The following ARL8B variants were observed in gnomAD, a reference collection of about 807,000 sequenced individuals.
ARL8B encodes ARF like GTPase 8B, also known as ADP-ribosylation factor-like protein 8B.
In ARL8B, 9 loss-of-function variants were observed where a neutral mutation model predicts 30.6. The observed-to-expected ratio is 0.29, with a 90% CI of 0.18 to 0.51. ARL8B has a LOEUF of 0.51. ARL8B is among the 20% of genes least tolerant of loss of function. ARL8B has a pLI of 0.97. For missense variants in ARL8B, 130 were observed against 227.2 expected (o/e 0.57, Z 2.75); for synonymous variants, 74 against 76.0 (o/e 0.97, Z 0.14).
chr3:5,165,886 C>T (rs1248643228), intron 1 of ARL8B, among the ~76,000 whole-genome samples: 1 of 152,144 alleles, frequency 6.6e-6, no homozygotes, highest in Non-Finnish European at 1.5e-5. Context: ...ACTTTGAAAG[C>T]ACTAGAACAT....
At chr3:5,161,767 ATTG>A (rs1200540492) in intron 1 of ARL8B, among the ~76,000 whole-genome samples, 1 of 152,148 alleles carries the variant, frequency 6.6e-6, no homozygotes, top group Non-Finnish European at 1.5e-5. Context: ...AAACATTCCT[ATTG>A]TTATGTGTTG....
chr3:5,144,945 T>C (rs966025971), intron 1 of ARL8B, among the ~76,000 whole-genome samples: 2 of 152,228 alleles, frequency 1.3e-5, no homozygotes, highest in Non-Finnish European at 2.9e-5. Context: ...GTGAATATAG[T>C]GCCTTCTTGG....
At chr3:5,149,141 T>G (rs946065196) in intron 1 of ARL8B, among the ~76,000 whole-genome samples, 2 of 152,218 alleles carry the variant, frequency 1.3e-5, no homozygotes, top group Non-Finnish European at 2.9e-5. Flanking sequence ...CCTCTGAAAA[T>G]GCCCAACCAC....
rs760445533 is a variant in ARL8B, at chr3:5,166,042, C to CT, written c.124-4445dup. The stretch of plus-strand genomic sequence containing the variant: ...ACCCGTTTCTATTGTCTTAAGATAT[C>CT]TTTTTTTTTTTTTTTTGAGACGGAG... On this transcript the variant is annotated intron_variant, in intron 1 of 6. Transcript: ENST00000256496. 6.4e-3 allele frequency among the ~76,000 whole-genome samples: 905 copies of CT among 140,596 alleles called. 8 individuals are homozygous for CT. The highest frequency in any genetic ancestry group is 0.04 in the East Asian group (195 of 4,848). 92.2% of individuals were successfully genotyped at this position (140,596 alleles called of 152,430 possible).
chr3:5,180,718 T>C lies in ARL8B; in HGVS notation c.*2005T>C, dbSNP rs2054771216. On this transcript the variant is annotated 3_prime_UTR_variant, in exon 7 of 7. Coordinates refer to ENST00000256496, the MANE Select transcript of ARL8B (RefSeq NM_018184.3). ...TGTCTGTTTACTGCTCTTCTCAGCTTTATTCAATAAACTTGCATTTTAAGG... is the reference window on the plus strand; with the variant it reads ...TGTCTGTTTACTGCTCTTCTCAGCTCTATTCAATAAACTTGCATTTTAAGG... 1.3e-5 allele frequency: 2 copies of C among 152,638 alleles called. No homozygotes were observed. Among genetic ancestry groups the C allele is most frequent in the South Asian group, 4.1e-4 (2 of 4,826 alleles). 9.5% of individuals were successfully genotyped at this position (152,638 alleles called of 1,614,324 possible). A position where few individuals can be genotyped will look rare whatever the true frequency, so the allele number is the denominator to read the frequency against.
chr3:5,123,622 C>A (rs141263775), intron 1 of ARL8B, among the ~76,000 whole-genome samples: 4 of 152,320 alleles, frequency 2.6e-5, no homozygotes, highest in African/African-American at 9.6e-5. Context: ...GTTCTTCCAC[C>A]TTTTCGATGA....
intron 2 of ARL8B, 123 bp downstream of exon 2, chr3:5,170,706 A>G: frequency 1.6e-6 from 1 of 636,446 alleles, no homozygotes; most frequent in Non-Finnish European, 2.7e-6. Flanking sequence ...TGCATGTTTC[A>G]AAAGAATAGG....
intron 1 of ARL8B, among the ~76,000 whole-genome samples, chr3:5,159,297 CAAAAAAAAAAAA>C (rs56033027): frequency 1.9e-5 from 1 of 53,012 alleles, no homozygotes. Flanking sequence ...GACTCTGTCT[CAAAAAAAAAAAA>C]AAAAAAAAAA....
At chr3:5,158,340 G>A (rs2054549726) in intron 1 of ARL8B, among the ~76,000 whole-genome samples, 1 of 152,134 alleles carries the variant, frequency 6.6e-6, no homozygotes, top group Non-Finnish European at 1.5e-5. Flanking sequence ...ACAGGTAATG[G>A]TATTCAGTGG....
chr3:5,156,991 G>T (rs549880583), intron 1 of ARL8B: 1 of 152,106 alleles, frequency 6.6e-6, no homozygotes, highest in Non-Finnish European at 1.5e-5. Context: ...TGGATACTTC[G>T]AGTACTGCGA....
At chr3:5,178,441 G>A (rs957604836) in intron 6 of ARL8B, among the ~76,000 whole-genome samples, 4 of 147,958 alleles carry the variant, frequency 2.7e-5, no homozygotes, top group Non-Finnish European at 3.0e-5. Flanking sequence ...GGCACCAGCC[G>A]TCCTATACAC....
chr3:5,149,620 G>A (rs1368923679), intron 1 of ARL8B, among the ~76,000 whole-genome samples: 3 of 152,038 alleles, frequency 2.0e-5, no homozygotes, highest in Admixed American at 6.6e-5. Flanking sequence ...TTATATCCTC[G>A]TCCCCTTCCC....
intron 1 of ARL8B, among the ~76,000 whole-genome samples, chr3:5,125,753 G>A (rs528090929): frequency 6.8e-4 from 104 of 152,184 alleles, no homozygotes; most frequent in Admixed American, 1.3e-3. Context: ...GGCTGTTCTC[G>A]AACTCCTGGT....
intron 1 of ARL8B, among the ~76,000 whole-genome samples, chr3:5,136,131 G>A (rs566899152): frequency 1.3e-4 from 17 of 131,888 alleles, no homozygotes; most frequent in African/African-American, 5.6e-4. Context: ...TTTTGAGATG[G>A]GGTCTTGTTC....
At position 5,160,489 on chromosome 3, in the gene ARL8B, G is replaced by T. The variant is rs540621588; in HGVS notation, c.124-10014G>T. ...GAGGTAAGCAAGAATGAGTTTTCAG[G>T]CTCCTAATTGAAATTGTGGTTTGGA... On this transcript the variant is annotated intron_variant, in intron 1 of 6. Coordinates refer to ENST00000256496, the MANE Select transcript of ARL8B (RefSeq NM_018184.3). 9.8e-5 allele frequency among the ~76,000 whole-genome samples: 15 copies of T among 152,292 alleles called. 1 individual carries two copies. In the South Asian group the frequency reaches 2.5e-3, roughly 25 times the overall value.
chr3:5,166,962 A>G (rs1457227965), intron 1 of ARL8B, among the ~76,000 whole-genome samples: 3 of 152,152 alleles, frequency 2.0e-5, no homozygotes, highest in Non-Finnish European at 2.9e-5. Context: ...AGAACATAAA[A>G]CCATAAACGT....
At chr3:5,153,944 C>T (rs77172469) in intron 1 of ARL8B, among the ~76,000 whole-genome samples, 6 of 150,816 alleles carry the variant, frequency 4.0e-5, no homozygotes, top group African/African-American at 1.2e-4. Context: ...TTTTTTCCCC[C>T]TCCAGCACTT....
At chr3:5,143,094 A>G (rs7633347) in intron 1 of ARL8B, among the ~76,000 whole-genome samples, 60,192 of 152,078 alleles carry the variant, frequency 0.4, 13,811 homozygotes, top group African/African-American at 0.65. Flanking sequence ...ACTTGTGAGA[A>G]CTATCTCTGA....
At chr3:5,138,741 G>A (rs1559277557) in intron 1 of ARL8B, among the ~76,000 whole-genome samples, 1 of 152,160 alleles carries the variant, frequency 6.6e-6, no homozygotes, top group South Asian at 2.1e-4. Context: ...CTATCTAGAA[G>A]GCACTGCAGT....
Sources: gnomAD v4.1 joint callset for allele counts (sites outside exome capture counted in the v4.1 genomes callset) on GRCh38, gnomAD v4.1.1 for gene constraint, MANE v1.5 for transcripts, NCBI Gene and HGNC (gene_info 2026-07-23, HGNC 2026-07-21) for gene names.